Variants in GLIPR2 observed in about 807,000 individuals in gnomAD.
The protein encoded by GLIPR2 is GLI pathogenesis related 2, also known as Golgi-associated plant pathogenesis-related protein 1.
In GLIPR2, 21 loss-of-function variants were observed where a neutral mutation model predicts 20.4. The ratio of observed to expected loss-of-function variants is 1.03; its 90% CI spans 0.73 to 1.48. The LOEUF (loss-of-function observed/expected upper bound fraction) is 1.48, where lower values mean the gene tolerates loss of function less well. GLIPR2 is among the 40% of genes most tolerant of loss of function. The probability of loss-of-function intolerance (pLI) is 0.00; values close to 1 mark genes in which losing one functional copy is unlikely to be tolerated. For missense variants in GLIPR2, 205 were observed against 200.1 expected, an observed-to-expected ratio of 1.02 and a Z score of -0.15; for synonymous variants, 91 against 80.5, an observed-to-expected ratio of 1.13 and a Z score of -0.70.
intron 1 of GLIPR2, among the ~76,000 whole-genome samples, chr9:36,137,704 C>T (rs2132701542): frequency 6.6e-6 from 1 of 152,324 alleles, no homozygotes; most frequent in East Asian, 1.9e-4. Context: ...CTGCCAGGGG[C>T]CGTGTTTATC....
chr9:36,158,338 T>C (rs180800766), intron 4 of GLIPR2, among the ~76,000 whole-genome samples: 8 of 152,336 alleles, frequency 5.3e-5, no homozygotes, highest in Non-Finnish European at 1.2e-4. Context: ...ATTTCTCCAC[T>C]TCCTTGCCAA....
Position 36,162,078 on chromosome 9 carries a change from GGC to G in GLIPR2, c.305-283_305-282del, listed in dbSNP as rs1381806347. ...TAGTCCCAGCTACTTGGGAGGCTGA[GGC>G]AGGAGAATCACTCGAACCCAGGAGG... On this transcript the variant is annotated intron_variant, in intron 4 of 4. Transcript: ENST00000377960. Among the ~76,000 whole-genome samples, 21 of 152,306 alleles carry G rather than the reference GGC, an allele frequency of 1.4e-4. No homozygotes were observed. The South Asian group carries it at 4.1e-3, about 30-fold the overall frequency.
chr9:36,137,019 T>C, intron 1 of GLIPR2: 1 of 426,740 alleles, frequency 2.3e-6, no homozygotes, highest in Non-Finnish European at 3.9e-6. Context: ...CAAGTTGGGC[T>C]TCCCGACCCT....
At chr9:36,148,775 C>T in intron 3 of GLIPR2, 125 bp downstream of exon 3, 1 of 659,132 alleles carries the variant, frequency 1.5e-6, no homozygotes, top group South Asian at 1.7e-5. Context: ...GAAAGAAAAA[C>T]CAGAGCTCTC....
chr9:36,143,442 C>T (rs1287927862), intron 1 of GLIPR2, among the ~76,000 whole-genome samples: 2 of 152,180 alleles, frequency 1.3e-5, no homozygotes, highest in Admixed American at 1.3e-4. Context: ...TGGTGTCCCA[C>T]GAGACCCACC....
At chr9:36,137,465 TGGTGCA>T (rs1824876796) in intron 1 of GLIPR2, among the ~76,000 whole-genome samples, 1 of 152,198 alleles carries the variant, frequency 6.6e-6, no homozygotes, top group Non-Finnish European at 1.5e-5. Context: ...GTCCAGAAGC[TGGTGCA>T]CAGGTCCCTT....
chr9:36,150,232 C>T (rs1233003797), intron 3 of GLIPR2, among the ~76,000 whole-genome samples: 1 of 152,208 alleles, frequency 6.6e-6, no homozygotes, highest in Non-Finnish European at 1.5e-5. Flanking sequence ...CCTACTGAAT[C>T]AGAATCTGCC....
rs775858488 is a variant in GLIPR2 at position 36,157,711 on chromosome 9, C to CAT, written c.305-4650_305-4649insTA. Among the ~76,000 whole-genome samples the CAT allele has an allele frequency of 1.3e-4, 19 of 148,626 alleles. No homozygotes were observed. In the East Asian group the frequency reaches 1.8e-3, roughly 14 times the overall value. On this transcript the variant is annotated intron_variant, in intron 4 of 4. Coordinates refer to ENST00000377960, the MANE Select transcript of GLIPR2 (RefSeq NM_022343.4). ...ACACACACACACACACACACACACA[C>CAT]ACATATATATATACACATATATACA...
intron 1 of GLIPR2, among the ~76,000 whole-genome samples, chr9:36,142,944 C>T (rs1017538599): frequency 6.6e-6 from 1 of 152,016 alleles, no homozygotes; most frequent in Non-Finnish European, 1.5e-5. Flanking sequence ...TCCCCCACCA[C>T]CGATTACCAG....
At chr9:36,141,957 A>G (rs756680716) in intron 1 of GLIPR2, 8 of 440,484 alleles carry the variant, frequency 1.8e-5, no homozygotes, top group Non-Finnish European at 3.6e-5. Flanking sequence ...GAGACAGCCC[A>G]GCCCCTTCCC....
In GLIPR2 at chr9:36,153,170, T is replaced by C. The variant is rs544070346; in HGVS notation, c.304+2221T>C. Among the ~76,000 whole-genome samples the C allele has an allele frequency of 2.6e-5, 4 of 151,686 alleles. 1 individual carries two copies. In the South Asian group the frequency reaches 8.4e-4, roughly 32 times the overall value. ...AAGTAGGGCTTTATTCTACCCATTT[T>C]GAAGAGGAAGAAACTGAGGCCTAGA... On this transcript the variant is annotated intron_variant, in intron 4 of 4. Coordinates refer to ENST00000377960, the MANE Select transcript of GLIPR2 (RefSeq NM_022343.4).
chr9:36,141,774 C>T, intron 1 of GLIPR2: 1 of 451,708 alleles, frequency 2.2e-6, no homozygotes, highest in South Asian at 1.6e-5. Flanking sequence ...CCATCTCAGT[C>T]TCCCGAGTAG....
At chr9:36,136,709 G>GGGGCGGCGCTGGGCC (rs1824830824), upstream of GLIPR2, 1 of 1,109,944 alleles carries the variant, frequency 9.0e-7, no homozygotes. This position sits in a 1 kb window ranked among gnomAD's most constrained non-coding sequence, Gnocchi z 4.3. Flanking sequence ...CCTGGGCTCT[G>GGGGCGGCGCTGGGCC]GGGCGGCGCT....
chr9:36,157,707 CACACACATAT>C lies in GLIPR2; in HGVS notation c.305-4653_305-4644del, dbSNP rs1215732220. 1.5e-3 allele frequency among the ~76,000 whole-genome samples: 221 copies of C among 143,060 alleles called. 1 individual carries two copies. The East Asian group carries it at 0.019, about 12-fold the overall frequency. The allele number at this position is 143,060 out of a possible 152,430, so 93.9% of individuals were successfully genotyped here. A position where few individuals can be genotyped will look rare whatever the true frequency, so the allele number is the denominator to read the frequency against. On this transcript the variant is annotated intron_variant, in intron 4 of 4. Transcript: ENST00000377960. ...AAACACACACACACACACACACACA[CACACACATAT>C]ATATATACACATATATACATATATA...
At chr9:36,160,892 A>T (rs1053367508) in intron 4 of GLIPR2, among the ~76,000 whole-genome samples, 4 of 151,926 alleles carry the variant, frequency 2.6e-5, no homozygotes, top group African/African-American at 9.7e-5. Flanking sequence ...AAATACAAAA[A>T]AATAGCTGGG....
rs752339657 is a variant in GLIPR2 at position 36,150,957 on chromosome 9, G to C, written c.304+8G>C. 4 of 1,602,254 alleles carry C rather than the reference G, an allele frequency of 2.5e-6. No individual in the cohort carries two copies. On this transcript the variant is annotated splice_region_variant and intron_variant, in intron 4 of 4. Coordinates refer to ENST00000377960, the MANE Select transcript of GLIPR2 (RefSeq NM_022343.4). ...GCTTCACCTCGGGGACTGGTGAGTG[G>C]CAGGGTCTCACCAGTGGCCTGGCCC...
intron 4 of GLIPR2, among the ~76,000 whole-genome samples, chr9:36,160,501 GAAGAGAAGAGAAA>G (rs1563890496): frequency 6.6e-5 from 10 of 151,680 alleles, no homozygotes; most frequent in South Asian, 6.2e-4. Flanking sequence ...AGAAAGAAGG[GAAGAGAAGAGAAA>G]AAGAGAAGAG....
At chr9:36,148,526 G>C in intron 2 of GLIPR2, 21 bp from the exon 3 acceptor site, 2 of 1,580,896 alleles carry the variant, frequency 1.3e-6, no homozygotes, top group Non-Finnish European at 1.7e-6. Context: ...CTGCTCTGAG[G>C]AGGCGCTGTG....
chr9:36,156,590 C>A (rs1046906376), intron 4 of GLIPR2, among the ~76,000 whole-genome samples: 3 of 152,162 alleles, frequency 2.0e-5, no homozygotes, highest in Non-Finnish European at 4.4e-5. Context: ...GGGACCCCAA[C>A]TCCTGGGCAG....
Sources: allele counts gnomAD v4.1 joint callset (sites outside exome capture counted in the v4.1 genomes callset), GRCh38; gene constraint gnomAD v4.1.1; non-coding constraint Gnocchi (gnomAD v3.1); transcripts MANE v1.5; gene names NCBI Gene and HGNC (gene_info 2026-07-23, HGNC 2026-07-21).